Variants in RBFOX1 observed in about 807,000 individuals in gnomAD.
The protein encoded by RBFOX1 is RNA binding fox-1 homolog 1, also known as RNA binding protein fox-1 homolog 1.
A neutral mutation model predicts 57.7 loss-of-function variants in RBFOX1; 8 were observed. The observed-to-expected ratio is 0.14, with a 90% CI of 0.08 to 0.25. RBFOX1 has a LOEUF of 0.25. Ranked by LOEUF, RBFOX1 falls within the 10% of genes least tolerant of loss-of-function variation. The pLI is 1.00. For missense variants in RBFOX1, 611 were observed against 548.5 expected (o/e 1.11, Z -1.14); for synonymous variants, 326 against 222.4 (o/e 1.47, Z -4.15).
chr16:7,387,033 G>C (rs1350222214), intron 4 of RBFOX1, among the ~76,000 whole-genome samples: 1 of 152,194 alleles, frequency 6.6e-6, no homozygotes, highest in East Asian at 1.9e-4. Context: ...CTTCTCTTGA[G>C]AAGTGTCTGT....
At chr16:7,539,224 G>C (rs1207309910) in intron 5 of RBFOX1, among the ~76,000 whole-genome samples, 1 of 152,152 alleles carries the variant, frequency 6.6e-6, no homozygotes, top group African/African-American at 2.4e-5. Context: ...AAAAAGAGAA[G>C]ATTAAGGAGG....
chr16:5,986,677 T>G (rs1457672208), intron 4 of RBFOX1, among the ~76,000 whole-genome samples: 1 of 152,228 alleles, frequency 6.6e-6, no homozygotes, highest in Non-Finnish European at 1.5e-5. Flanking sequence ...CTTAGCATAA[T>G]TCCCTGAAGA....
intron 3 of RBFOX1, among the ~76,000 whole-genome samples, chr16:7,034,105 G>C (rs1322380859): frequency 1.3e-5 from 2 of 152,202 alleles, no homozygotes; most frequent in Non-Finnish European, 2.9e-5. Context: ...CATGGCTTAA[G>C]TGCCATCCCT....
intron 3 of RBFOX1, among the ~76,000 whole-genome samples, chr16:5,848,661 C>G (rs191383463): frequency 1.3e-5 from 2 of 152,268 alleles, no homozygotes; most frequent in African/African-American, 2.4e-5. Flanking sequence ...GCATAAACAG[C>G]TTATTAAATA....
rs115384475 is a variant in RBFOX1 at position 5,614,312 on chromosome 16, C to A, written c.318+15351C>A. On this transcript the variant is annotated intron_variant, in intron 3 of 19. Coordinates refer to the RBFOX1 transcript ENST00000641259. ...TTTCCCCCTAGGTCTCTCCTGGGGA[C>A]TACGCAGGAGGGCTCTGGGCCAGTG... Among the ~76,000 whole-genome samples the A allele has an allele frequency of 9.8e-3, 1,487 of 152,254 alleles. 31 individuals carry two copies. Among genetic ancestry groups the A allele is most frequent in the African/African-American group, 0.034 (1,420 of 41,560 alleles).
intron 4 of RBFOX1, among the ~76,000 whole-genome samples, chr16:7,374,412 G>A (rs2097645868): frequency 1.3e-5 from 2 of 152,118 alleles, no homozygotes; most frequent in Admixed American, 6.5e-5. Context: ...TGCTAGTTAT[G>A]CTGGATTATT....
intron 4 of RBFOX1, among the ~76,000 whole-genome samples, chr16:7,249,228 G>C (rs983819233): frequency 1.3e-5 from 2 of 152,154 alleles, no homozygotes; most frequent in East Asian, 1.9e-4. Flanking sequence ...GGGTGGGTTT[G>C]TTTCCATTCC....
chr16:6,055,608 A>AG lies in RBFOX1; in HGVS notation c.-127+35616_-127+35617insG, dbSNP rs1400264999. On this transcript the variant is annotated intron_variant, in intron 1 of 15. Transcript: ENST00000550418. The stretch of plus-strand genomic sequence containing the variant: ...ACTCCGTCAAAAAAAAAAAAAAAAA[A>AG]AAAAAAGGACGACGAATTGGACAGG... Among the ~76,000 whole-genome samples the AG allele has an allele frequency of 2.0e-5, 3 of 151,238 alleles. No individual in the cohort carries two copies. The East Asian group carries it at 5.8e-4, about 29-fold the overall frequency.
chr16:5,905,679 C>T (rs753653531), intron 4 of RBFOX1, among the ~76,000 whole-genome samples: 1 of 152,012 alleles, frequency 6.6e-6, no homozygotes, highest in East Asian at 1.9e-4. Context: ...AGAGGGAGAC[C>T]CTGTCCAACG....
chr16:7,455,180 C>G (rs1056112461), intron 4 of RBFOX1, among the ~76,000 whole-genome samples: 4 of 152,184 alleles, frequency 2.6e-5, no homozygotes, highest in Non-Finnish European at 5.9e-5. Context: ...TGGAAATTCT[C>G]TCTTCTGAAT....
intron 3 of RBFOX1, among the ~76,000 whole-genome samples, chr16:6,842,607 T>C (rs545569687): frequency 6.6e-6 from 1 of 151,864 alleles, no homozygotes; most frequent in Non-Finnish European, 1.5e-5. Context: ...ATGTATCCAG[T>C]TTCCTGCTGA....
At chr16:7,397,138 G>T (rs758795353) in intron 4 of RBFOX1, among the ~76,000 whole-genome samples, 5 of 152,076 alleles carry the variant, frequency 3.3e-5, no homozygotes, top group Non-Finnish European at 7.4e-5. Context: ...AATTAAAAGT[G>T]CACTGAATTG....
At chr16:6,004,827 T>A (rs111971987) in intron 4 of RBFOX1, among the ~76,000 whole-genome samples, 2 of 152,326 alleles carry the variant, frequency 1.3e-5, no homozygotes, top group South Asian at 4.1e-4. Context: ...CATTTGAATG[T>A]CCTTTCTGAG....
chr16:5,954,132 G>C (rs13338619), intron 4 of RBFOX1, among the ~76,000 whole-genome samples: 21,932 of 152,190 alleles, frequency 0.14, 1,834 homozygotes, highest in African/African-American at 0.21. Context: ...CAGTGGTGCT[G>C]AGGTTGAGAA....
At chr16:7,317,312 G>C (rs983210171) in intron 4 of RBFOX1, among the ~76,000 whole-genome samples, 1 of 152,182 alleles carries the variant, frequency 6.6e-6, no homozygotes, top group Admixed American at 6.5e-5. Context: ...GGTGAAGTCA[G>C]GTGGCACTGA....
chr16:6,300,898 G>A (rs896431346), intron 1 of RBFOX1, among the ~76,000 whole-genome samples: 6 of 152,082 alleles, frequency 3.9e-5, no homozygotes. Flanking sequence ...TTAGAAAATG[G>A]AATGCCCCAT....
rs1555469943 is a variant in RBFOX1 at position 6,790,169 on chromosome 16, C to CTATTATTAGTATTATTAT, written c.-16+135527_-16+135528insGTATTATTATTATTATTA. On this transcript the variant is annotated intron_variant, in intron 3 of 15. Coordinates refer to ENST00000550418, the MANE Select transcript of RBFOX1 (RefSeq NM_018723.4). ...CTTAGATTCTGGATTTTATTTTATT[C>CTATTATTAGTATTATTAT]TATTATTATTATTATTATTATTATT... Among the ~76,000 whole-genome samples the CTATTATTAGTATTATTAT allele has an allele frequency of 2.1e-5, 3 of 141,544 alleles. No individual in the cohort carries two copies. The East Asian group carries it at 6.2e-4, about 29-fold the overall frequency. 92.9% of individuals were successfully genotyped at this position (141,544 alleles called of 152,430 possible). A position where few individuals can be genotyped will look rare whatever the true frequency, so the allele number is the denominator to read the frequency against.
At chr16:7,090,687 A>G (rs191450329) in intron 4 of RBFOX1, among the ~76,000 whole-genome samples, 34 of 152,286 alleles carry the variant, frequency 2.2e-4, no homozygotes, top group Admixed American at 1.9e-3. Context: ...CAGGGGAAAG[A>G]AAGTTGAGTT....
At chr16:6,740,489 C>A (rs528845495) in intron 3 of RBFOX1, among the ~76,000 whole-genome samples, 5 of 152,130 alleles carry the variant, frequency 3.3e-5, no homozygotes, top group Non-Finnish European at 5.9e-5. Context: ...AGAGTAAACA[C>A]CAAAAATTTA....
Sources: gnomAD v4.1 joint callset for allele counts (sites outside exome capture counted in the v4.1 genomes callset) on GRCh38, gnomAD v4.1.1 for gene constraint, MANE v1.5 for transcripts, NCBI Gene and HGNC (gene_info 2026-07-23, HGNC 2026-07-21) for gene names.